Variants in CHMP6 observed in about 807,000 individuals in gnomAD.
The protein encoded by CHMP6 is charged multivesicular body protein 6.
CHMP6 carries 10 observed loss-of-function variants against 32.8 expected under a neutral mutation model. That is an observed-to-expected ratio of 0.30 (90% confidence interval 0.19 to 0.52). CHMP6 has a LOEUF of 0.52. Ranked by LOEUF, CHMP6 falls within the 20% of genes least tolerant of loss-of-function variation. The pLI, the probability that CHMP6 is intolerant of heterozygous loss-of-function variation, is 0.97. For missense variants in CHMP6, 269 were observed against 263.8 expected (o/e 1.02, Z -0.14); for synonymous variants, 123 against 105.8 (o/e 1.16, Z -1.00).
intron 3 of CHMP6, 120 bp from the exon 4 acceptor site, chr17:80,995,552 G>A (rs2069629895): frequency 2.6e-6 from 2 of 771,672 alleles, no homozygotes; most frequent in South Asian, 3.2e-5. Context: ...GGTGTCAGGA[G>A]TCACCCTCAC....
At chr17:80,995,237 G>A (rs950825839) in intron 3 of CHMP6, 131 bp downstream of exon 3, 2 of 846,070 alleles carry the variant, frequency 2.4e-6, no homozygotes, top group Admixed American at 2.6e-5. Context: ...AAGCTGACCT[G>A]AAGAGGGGCG....
At position 80,995,551 on chromosome 17, in the gene CHMP6, A is replaced by C. The variant is rs954931458; in HGVS notation, c.262-121A>C. 6.6e-6 allele frequency: 5 copies of C among 754,094 alleles called. No individual in the cohort carries two copies. In the African/African-American group the frequency reaches 9.1e-5, roughly 14 times the overall value. The allele number at this position is 754,094 out of a possible 1,614,324, so 46.7% of individuals were successfully genotyped here. ...AGGACAGGGAGGAGCAGGTGTCAGG[A>C]GTCACCCTCACGCCCAGCAGCACCC... On this transcript the variant is annotated intron_variant, in intron 3 of 7. Transcript: ENST00000325167.
intron 4 of CHMP6, 36 bp from the exon 5 acceptor site, chr17:80,996,971 G>A (rs574331504): frequency 7.5e-6 from 12 of 1,592,614 alleles, no homozygotes; most frequent in East Asian, 6.7e-5. Context: ...CATTGGCCTC[G>A]CGACAGGGGT....
At position 80,999,328 on chromosome 17, in the gene CHMP6, C is replaced by G. The variant is rs2069666029; in HGVS notation, c.*175C>G. ...GGACTCCAGAGCGTCTCCTGGAGAC[C>G]TTGAGCCTGAACGCACTCAGGCGCC... On this transcript the variant is annotated 3_prime_UTR_variant, in exon 8 of 8. Coordinates refer to ENST00000325167, the MANE Select transcript of CHMP6 (RefSeq NM_024591.5). The G allele has an allele frequency of 1.6e-6, 1 of 640,666 alleles. No individual in the cohort carries two copies. The highest frequency in any genetic ancestry group is 1.8e-5 in the African/African-American group (1 of 54,782). 39.7% of individuals were successfully genotyped at this position (640,666 alleles called of 1,614,324 possible).
chr17:80,998,221 T>C (rs1215546210), intron 6 of CHMP6, 145 bp from the exon 7 acceptor site: 1 of 866,476 alleles, frequency 1.2e-6, no homozygotes, highest in African/African-American at 1.7e-5. Context: ...GTTGCAGACT[T>C]GGGTCTTCTG....
Position 80,997,362 on chromosome 17 carries a change from G to C in CHMP6, c.495+21G>C, listed in dbSNP as rs757205157. On this transcript the variant is annotated intron_variant, in intron 6 of 7. Transcript: ENST00000325167. ...CTCAGGTAACGGCCCCCCCGGGACT[G>C]AGCACAGTCACTCAGGCAGCGGGAC... 7.5e-6 allele frequency: 12 copies of C among 1,603,052 alleles called. 1 individual carries two copies. Among genetic ancestry groups the C allele is most frequent in the Non-Finnish European group, 1.0e-5 (12 of 1,172,982 alleles).
Position 80,999,228 on chromosome 17 carries a change from C to T in CHMP6, c.*75C>T, listed in dbSNP as rs1234479765. On this transcript the variant is annotated 3_prime_UTR_variant, in exon 8 of 8. Transcript: ENST00000325167. ...CACAGAGAGTTTGGGTCACGGCCAG[C>T]CCCTGACCGGGTTCCCTGGAGCCCA... 4 of 1,557,174 alleles carry T rather than the reference C, an allele frequency of 2.6e-6. No homozygotes were observed. The highest frequency in any genetic ancestry group is 2.2e-5 in the South Asian group (2 of 89,754).
chr17:80,997,463 G>A (rs549127124), intron 6 of CHMP6, 122 bp downstream of exon 6: 150 of 559,086 alleles, frequency 2.7e-4, no homozygotes, highest in Non-Finnish European at 3.7e-4. Flanking sequence ...AATAGTCTGC[G>A]GTTTGTGACT....
At chr17:80,995,821 T>C in intron 4 of CHMP6, 63 bp downstream of exon 4, 2 of 1,468,578 alleles carry the variant, frequency 1.4e-6, no homozygotes, top group Non-Finnish European at 1.9e-6. Flanking sequence ...GAGCTGGGGA[T>C]AGGGCGGGGG....
At position 80,997,197 on chromosome 17, in the gene CHMP6, C is replaced by A; in HGVS notation, c.415-64C>A. 3.7e-6 allele frequency: 6 copies of A among 1,603,922 alleles called. No individual in the cohort carries two copies. The South Asian group carries it at 4.4e-5, about 12-fold the overall frequency. ...CAAGGGGACGAGACCCAGCCACAGG[C>A]CATCTCCTTCCTCCCTGAGGGGCCA... On this transcript the variant is annotated intron_variant, in intron 5 of 7. Coordinates refer to ENST00000325167, the MANE Select transcript of CHMP6 (RefSeq NM_024591.5).
chr17:80,996,749 C>T (rs768210498), intron 4 of CHMP6, among the ~76,000 whole-genome samples: 2 of 152,200 alleles, frequency 1.3e-5, no homozygotes, highest in African/African-American at 2.4e-5. Flanking sequence ...TCAGGACAGG[C>T]CCATGCCTGG....
rs550656207 is a variant in CHMP6, at chr17:80,998,647, A to C, written c.550+227A>C. ...TAAGAGAGCCATACCCCATTCAAAG[A>C]GACACATTCAGAAATCAGAACTGGG... On this transcript the variant is annotated intron_variant, in intron 7 of 7. Transcript: ENST00000325167. 631 of 1,412,198 alleles carry C rather than the reference A, an allele frequency of 4.5e-4. 5 individuals carry two copies. In the South Asian group the frequency reaches 6.5e-3, roughly 15 times the overall value. 87.5% of individuals were successfully genotyped at this position (1,412,198 alleles called of 1,614,324 possible). A position where few individuals can be genotyped will look rare whatever the true frequency, so the allele number is the denominator to read the frequency against.
chr17:80,999,112 A>G lies in CHMP6; in HGVS notation c.565A>G (p.Lys189Glu). ...PEKIPENVPV[K>E]ARPRQAELVA... ...TTCCTCCACAGAAAACGTCCCTGTC[A>G]AGGCCAGGCCCAGGCAGGCGGAGCT... Residue 189 changes from lysine to glutamate, a missense_variant, in exon 8 of 8, where the codon AAG (lysine) becomes GAG (glutamate). By Grantham distance (56) the Lys-to-Glu change is moderately conservative (BLOSUM62 1). Transcript: ENST00000325167. 6.2e-7 allele frequency: 1 copy of G among 1,613,860 alleles called. No homozygotes were observed. Among genetic ancestry groups the G allele is most frequent in the Non-Finnish European group, 8.5e-7 (1 of 1,179,856 alleles).
At position 80,999,346 on chromosome 17, in the gene CHMP6, C is replaced by G. The variant is rs2069666170; in HGVS notation, c.*193C>G. 1.7e-6 allele frequency: 1 copy of G among 584,690 alleles called. No homozygotes were observed. Among genetic ancestry groups the G allele is most frequent in the Non-Finnish European group, 3.0e-6 (1 of 328,870 alleles). The allele number at this position is 584,690 out of a possible 1,614,324, so 36.2% of individuals were successfully genotyped here. On this transcript the variant is annotated 3_prime_UTR_variant, in exon 8 of 8. Coordinates refer to ENST00000325167, the MANE Select transcript of CHMP6 (RefSeq NM_024591.5). ...TGGAGACCTTGAGCCTGAACGCACT[C>G]AGGCGCCACTGGCCTGCTCTCAGTC...
Position 80,995,126 on chromosome 17 carries a change from G to T in CHMP6, c.261+20G>T, listed in dbSNP as rs201966289. On this transcript the variant is annotated intron_variant, in intron 3 of 7. Coordinates refer to ENST00000325167, the MANE Select transcript of CHMP6 (RefSeq NM_024591.5). ...GCCATGGTAGGCGGCCGGGTGCTTC[G>T]CCCTGGAGTGCAGGTGCAGCTGGAG... 1.3e-6 allele frequency: 2 copies of T among 1,584,670 alleles called. No individual in the cohort carries two copies. The highest frequency in any genetic ancestry group is 1.3e-5 in the African/African-American group (1 of 74,828).
At position 80,999,621 on chromosome 17, in the gene CHMP6, G is replaced by T; in HGVS notation, c.*468G>T. 6.3e-6 allele frequency: 1 copy of T among 158,932 alleles called. No individual in the cohort carries two copies. Among genetic ancestry groups the T allele is most frequent in the South Asian group, 1.8e-4 (1 of 5,478 alleles). The allele number at this position is 158,932 out of a possible 1,614,324, so 9.8% of individuals were successfully genotyped here. On this transcript the variant is annotated 3_prime_UTR_variant, in exon 8 of 8. Transcript: ENST00000325167. ...TGGCCTGGCTTCCCGGCGCACCTCA[G>T]CTTCCCTGCTGGTGGGGGGATCCCC... is the stretch of plus-strand genomic sequence containing the variant.
rs571550338 is a variant in CHMP6 at position 80,992,579 on chromosome 17, G to T, written c.63+598G>T. Among the ~76,000 whole-genome samples the T allele has an allele frequency of 7.2e-5, 11 of 152,336 alleles. No homozygotes were observed. The South Asian group carries it at 2.1e-3, about 29-fold the overall frequency. On this transcript the variant is annotated intron_variant, in intron 1 of 7. Transcript: ENST00000325167. The stretch of plus-strand genomic sequence containing the variant: ...TGCGCCGAACGCCTGCCGGGGTCCT[G>T]CCGGGGTCCTGCCGGGCTTCCGCAG...
Position 80,994,700 on chromosome 17 carries a change from G to A in CHMP6, c.173+10G>A. The A allele has an allele frequency of 6.4e-7, 1 of 1,550,878 alleles. No homozygotes were observed. The highest frequency in any genetic ancestry group is 2.0e-5 in the Admixed American group (1 of 50,810). ...GGGACGGCAGGAAGGAGTGAGTGGG[G>A]CCCGGGCAGCGTGGGCACCCTGTCG... On this transcript the variant is annotated intron_variant, in intron 2 of 7. Coordinates refer to ENST00000325167, the MANE Select transcript of CHMP6 (RefSeq NM_024591.5).
intron 7 of CHMP6, among the ~76,000 whole-genome samples, chr17:80,998,894 G>T (rs552457405): frequency 6.6e-6 from 1 of 152,184 alleles, no homozygotes; most frequent in Non-Finnish European, 1.5e-5. Flanking sequence ...GTGCTTTCCT[G>T]GCCCACTGTC....
Sources: allele counts gnomAD v4.1 joint callset (sites outside exome capture counted in the v4.1 genomes callset), GRCh38; gene constraint gnomAD v4.1.1; transcripts MANE v1.5; gene names NCBI Gene and HGNC (gene_info 2026-07-23, HGNC 2026-07-21).